GHR: variants seen among roughly 807,000 people sequenced by gnomAD.
GHR encodes the protein GH receptor.
GHR carries 35 observed loss-of-function variants against 67.1 expected under a neutral mutation model. The ratio of observed to expected loss-of-function variants is 0.52; its 90% CI spans 0.40 to 0.69. The LOEUF (loss-of-function observed/expected upper bound fraction) is 0.69. GHR is among the 30% of genes least tolerant of loss of function. The pLI is 0.00. For synonymous variants in GHR, 272 were observed against 269.1 expected (o/e 1.01, Z -0.10); for missense variants, 792 against 764.6 (o/e 1.04, Z -0.42).
chr5:42,641,434 AT>A (rs1355390026), intron 3 of GHR, among the ~76,000 whole-genome samples: 1 of 152,082 alleles, frequency 6.6e-6, no homozygotes, highest in African/African-American at 2.4e-5. Context: ...TTGATGATCA[AT>A]TTTAACAACC....
intron 1 of GHR, among the ~76,000 whole-genome samples, chr5:42,523,739 A>G (rs902413705): frequency 6.6e-6 from 1 of 152,082 alleles, no homozygotes; most frequent in Non-Finnish European, 1.5e-5. Flanking sequence ...TGTGTCCCCA[A>G]CCAAATCTCA....
At chr5:42,445,521 GGTCTAGGAATTATT>G (rs1743772823) in intron 1 of GHR, among the ~76,000 whole-genome samples, 1 of 152,100 alleles carries the variant, frequency 6.6e-6, no homozygotes, top group South Asian at 2.1e-4. Context: ...AGGGCTCAGT[GGTCTAGGAATTATT>G]GTTTTTACTT....
intron 3 of GHR, among the ~76,000 whole-genome samples, chr5:42,678,820 A>G (rs913797408): frequency 7.9e-5 from 12 of 152,048 alleles, no homozygotes; most frequent in Admixed American, 4.6e-4. Context: ...AGCATCATTT[A>G]TAAACTGAAA....
intron 2 of GHR, among the ~76,000 whole-genome samples, chr5:42,584,439 G>A (rs946343926): frequency 3.3e-5 from 5 of 152,104 alleles, no homozygotes; most frequent in African/African-American, 7.2e-5. Context: ...GGCAGATGCC[G>A]TATACTCCCT....
chr5:42,576,046 T>TAAATAAAACAA (rs66522211), intron 2 of GHR, among the ~76,000 whole-genome samples: 1 of 55,886 alleles, frequency 1.8e-5, no homozygotes, highest in Admixed American at 2.1e-4. Context: ...AAAATTAAAA[T>TAAATAAAACAA]AATAAAATAA....
At chr5:42,566,875 T>C (rs143986460) in intron 2 of GHR, among the ~76,000 whole-genome samples, 31 of 152,312 alleles carry the variant, frequency 2.0e-4, no homozygotes, top group African/African-American at 7.2e-4. Context: ...CCTGACCTTC[T>C]AGCCAAAAAT....
intron 1 of GHR, among the ~76,000 whole-genome samples, chr5:42,488,943 A>C (rs1028019201): frequency 6.6e-6 from 1 of 151,198 alleles, no homozygotes; most frequent in Admixed American, 6.6e-5. Flanking sequence ...TTACTGCATG[A>C]TAGAGTTTGA....
At chr5:42,529,999 C>CTTTTTTTT (rs376534691) in intron 1 of GHR, among the ~76,000 whole-genome samples, 12 of 57,554 alleles carry the variant, frequency 2.1e-4, no homozygotes, top group South Asian at 7.6e-4. Context: ...TGAATCACTT[C>CTTTTTTTT]TTTTTTTTTT....
chr5:42,483,720 T>C (rs1745757468), intron 1 of GHR, among the ~76,000 whole-genome samples: 1 of 152,132 alleles, frequency 6.6e-6, no homozygotes, highest in Admixed American at 6.5e-5. Flanking sequence ...TAAAGGGACC[T>C]CTTAGCCCAT....
At chr5:42,517,468 T>A (rs1390624421) in intron 1 of GHR, among the ~76,000 whole-genome samples, 1 of 152,180 alleles carries the variant, frequency 6.6e-6, no homozygotes, top group Non-Finnish European at 1.5e-5. Context: ...GTATGAAAAT[T>A]AGCATGGCTG....
intron 7 of GHR, among the ~76,000 whole-genome samples, chr5:42,711,698 TAAGTTTGTTTTG>T (rs1397033685): frequency 6.6e-6 from 1 of 152,110 alleles, no homozygotes; most frequent in Non-Finnish European, 1.5e-5. Flanking sequence ...TTTTCTATAG[TAAGTTTGTTTTG>T]AATTTATAAT....
chr5:42,604,853 T>A (rs1752546367), intron 2 of GHR, among the ~76,000 whole-genome samples: 1 of 152,138 alleles, frequency 6.6e-6, no homozygotes, highest in Non-Finnish European at 1.5e-5. Context: ...AGCATCTTTA[T>A]GGCTGTTATT....
chr5:42,599,921 T>C (rs1300936515), intron 2 of GHR, among the ~76,000 whole-genome samples: 4 of 152,208 alleles, frequency 2.6e-5, no homozygotes, highest in African/African-American at 9.6e-5. Context: ...TTTTTGCTAC[T>C]CACTTGTCTT....
At chr5:42,441,613 C>T (rs1561305033) in intron 1 of GHR, among the ~76,000 whole-genome samples, 1 of 152,024 alleles carries the variant, frequency 6.6e-6, no homozygotes, top group Non-Finnish European at 1.5e-5. Context: ...GGGTTCACGC[C>T]ATTCTCCTGC....
At chr5:42,441,968 G>T (rs1743598633) in intron 1 of GHR, among the ~76,000 whole-genome samples, 1 of 152,188 alleles carries the variant, frequency 6.6e-6, no homozygotes, top group Admixed American at 6.5e-5. Flanking sequence ...CCAGAGCACA[G>T]CAGGGGGAAT....
chr5:42,487,227 T>C (rs1398749101), intron 1 of GHR, among the ~76,000 whole-genome samples: 1 of 152,246 alleles, frequency 6.6e-6, no homozygotes, highest in African/African-American at 2.4e-5. Context: ...ACTTTTCTTC[T>C]GTGTTCATGT....
chr5:42,538,791 T>C (rs1363677994), intron 1 of GHR, among the ~76,000 whole-genome samples: 3 of 152,204 alleles, frequency 2.0e-5, no homozygotes, highest in Non-Finnish European at 4.4e-5. Flanking sequence ...TTTAGATTTC[T>C]CTTCTTCCTC....
chr5:42,512,979 G>A (rs921296322), intron 1 of GHR, among the ~76,000 whole-genome samples: 4 of 152,064 alleles, frequency 2.6e-5, no homozygotes, highest in African/African-American at 9.7e-5. Context: ...GGCTCTGGGG[G>A]ATATTTTTTT....
At chr5:42,624,004 C>G (rs150463643) in intron 2 of GHR, among the ~76,000 whole-genome samples, 394 of 152,286 alleles carry the variant, frequency 2.6e-3, no homozygotes, top group African/African-American at 8.9e-3. Flanking sequence ...ATTTGCTAAG[C>G]CAGCGCAGTT....
Sources: allele counts gnomAD v4.1 joint callset (sites outside exome capture counted in the v4.1 genomes callset), GRCh38; gene constraint gnomAD v4.1.1; transcripts MANE v1.5; gene names NCBI Gene and HGNC (gene_info 2026-07-23, HGNC 2026-07-21).